Variants in ABCA13 observed in about 807,000 individuals in gnomAD.
ABCA13 encodes ATP binding cassette subfamily A member 13.
ABCA13 carries 476 observed loss-of-function variants against 478.7 expected under a neutral mutation model. The observed-to-expected ratio is 0.99, with a 90% CI of 0.92 to 1.07. The LOEUF is 1.07. Ranked by LOEUF, ABCA13 falls within the 50% of genes least tolerant of loss-of-function variation. ABCA13 has a pLI of 0.00. For missense variants in ABCA13, 6,060 were observed against 5,910.6 expected (o/e 1.03, Z -0.83); for synonymous variants, 2,252 against 2,158.9 (o/e 1.04, Z -1.20).
chr7:48,369,950 G>A (rs1475708010), intron 32 of ABCA13, among the ~76,000 whole-genome samples: 1 of 151,922 alleles, frequency 6.6e-6, no homozygotes, highest in Non-Finnish European at 1.5e-5. Context: ...GTTTTGATGG[G>A]AATTGCATTG....
chr7:48,634,346 A>G (rs9642322), intron 59 of ABCA13, among the ~76,000 whole-genome samples: 37,568 of 152,004 alleles, frequency 0.25, 5,148 homozygotes, highest in Middle Eastern at 0.37. Context: ...CTCCACTTCT[A>G]TTTTTTAAAC....
intron 59 of ABCA13, 130 bp from the exon 60 acceptor site, chr7:48,643,158 G>T: frequency 1.7e-6 from 1 of 605,514 alleles, no homozygotes; most frequent in Non-Finnish European, 2.9e-6. Flanking sequence ...GTCTTATATT[G>T]AGAATCCAAA....
chr7:48,237,075 C>T (rs191036424), intron 8 of ABCA13, among the ~76,000 whole-genome samples: 105 of 145,038 alleles, frequency 7.2e-4, no homozygotes, highest in East Asian at 4.7e-3. Flanking sequence ...TGAGTTTCGC[C>T]GATTGGTTGG....
chr7:48,507,998 A>G lies in ABCA13; in HGVS notation c.13473A>G (p.Ile4491Met). 1 of 1,613,882 alleles carries G rather than the reference A, an allele frequency of 6.2e-7. No homozygotes were observed. Among genetic ancestry groups the G allele is most frequent in the Non-Finnish European group, 8.5e-7 (1 of 1,179,842 alleles). ...RVIGAKRLQHISGLGYRMYWF... is the reference protein window; with the variant it reads ...RVIGAKRLQHMSGLGYRMYWF... Reference sequence around the variant, plus strand: ...TTGGAGCCAAAAGGTTGCAGCACATAAGTGGCCTTGGCTACAGGATGTACT... The same window carrying G: ...TTGGAGCCAAAAGGTTGCAGCACATGAGTGGCCTTGGCTACAGGATGTACT... Residue 4491 changes from isoleucine to methionine, a missense_variant, in exon 50 of 62, where the codon ATA becomes ATG. Coordinates refer to ENST00000435803, the MANE Select transcript of ABCA13 (RefSeq NM_152701.5).
Position 48,198,217 on chromosome 7 carries a change from T to A in ABCA13, c.164-20T>A. 6.2e-7 allele frequency: 1 copy of A among 1,607,458 alleles called. No individual in the cohort carries two copies. The highest frequency in any genetic ancestry group is 8.5e-7 in the Non-Finnish European group (1 of 1,177,176). On this transcript the variant is annotated intron_variant, in intron 2 of 61. Transcript: ENST00000435803. Reference sequence around the variant, plus strand: ...GGTAGCAGGTATACGGACTCATTTCTTCTTTGCATCTATTTCTAGGTTATT... The same window carrying A: ...GGTAGCAGGTATACGGACTCATTTCATCTTTGCATCTATTTCTAGGTTATT...
At chr7:48,296,836 G>A (rs1278554942) in intron 21 of ABCA13, among the ~76,000 whole-genome samples, 1 of 152,150 alleles carries the variant, frequency 6.6e-6, no homozygotes, top group African/African-American at 2.4e-5. Context: ...ACCAGAAGGG[G>A]AAATAAGGAA....
intron 44 of ABCA13, among the ~76,000 whole-genome samples, chr7:48,467,857 T>C (rs190217402): frequency 1.3e-5 from 2 of 152,372 alleles, no homozygotes; most frequent in East Asian, 3.9e-4. Context: ...CCATTAGTCA[T>C]ATTGGTAATT....
chr7:48,227,583 C>A (rs1019092344), intron 6 of ABCA13, among the ~76,000 whole-genome samples, 158 bp downstream of exon 6: 1 of 152,066 alleles, frequency 6.6e-6, no homozygotes, highest in African/African-American at 2.4e-5. Flanking sequence ...ACGAACGTCC[C>A]TCATCTGTCT....
intron 57 of ABCA13, among the ~76,000 whole-genome samples, chr7:48,593,853 T>C (rs963935290): frequency 3.9e-5 from 6 of 151,972 alleles, no homozygotes; most frequent in African/African-American, 1.4e-4. Flanking sequence ...GTATTTTTAT[T>C]TGGCAGGTTT....
intron 55 of ABCA13, among the ~76,000 whole-genome samples, chr7:48,530,913 G>A (rs1279229074): frequency 6.6e-6 from 1 of 152,144 alleles, no homozygotes; most frequent in African/African-American, 2.4e-5. Flanking sequence ...TATAGATTGT[G>A]AAGATTTTCT....
At chr7:48,628,030 A>C (rs558002640) in intron 59 of ABCA13, among the ~76,000 whole-genome samples, 37 of 152,240 alleles carry the variant, frequency 2.4e-4, no homozygotes, top group Non-Finnish European at 4.6e-4. Context: ...TGAGGTTCTG[A>C]TACCTGAACT....
chr7:48,497,770 A>C (rs923495210), intron 48 of ABCA13, among the ~76,000 whole-genome samples: 1 of 152,154 alleles, frequency 6.6e-6, no homozygotes, highest in Non-Finnish European at 1.5e-5. Context: ...GGGGGAGTAG[A>C]GTCTGCTCCC....
At chr7:48,529,122 C>T (rs989611313) in intron 55 of ABCA13, among the ~76,000 whole-genome samples, 31 of 152,156 alleles carry the variant, frequency 2.0e-4, no homozygotes, top group Non-Finnish European at 3.8e-4. Flanking sequence ...CTTCCTTTTT[C>T]CCCTGCTCTG....
At chr7:48,621,061 C>A (rs1263383580) in intron 59 of ABCA13, among the ~76,000 whole-genome samples, 1 of 152,112 alleles carries the variant, frequency 6.6e-6, no homozygotes, top group Non-Finnish European at 1.5e-5. Flanking sequence ...TACATCCCTA[C>A]CCCACCTCAG....
intron 43 of ABCA13, among the ~76,000 whole-genome samples, chr7:48,461,823 C>G (rs1328622134): frequency 2.0e-5 from 3 of 152,164 alleles, no homozygotes; most frequent in Non-Finnish European, 4.4e-5. Context: ...TTGGCACAAC[C>G]TAGCCAACTA....
chr7:48,378,084 A>G (rs1468074157), intron 35 of ABCA13, among the ~76,000 whole-genome samples: 1 of 152,198 alleles, frequency 6.6e-6, no homozygotes, highest in East Asian at 1.9e-4. Flanking sequence ...TCTGAATCCC[A>G]CTGTGGAATT....
At chr7:48,637,381 C>CAAAAAAAAAAAAAAAAAATAAA (rs1794733995) in intron 59 of ABCA13, among the ~76,000 whole-genome samples, 1 of 20,258 alleles carries the variant, frequency 4.9e-5, no homozygotes. Flanking sequence ...GTTCATAAAG[C>CAAAAAAAAAAAAAAAAAATAAA]AAAAAAAAAA....
intron 45 of ABCA13, among the ~76,000 whole-genome samples, chr7:48,476,194 T>C (rs1296177237): frequency 1.3e-5 from 2 of 152,132 alleles, no homozygotes; most frequent in African/African-American, 4.8e-5. Context: ...TCCTCCAGCT[T>C]CTCTTGTTTC....
intron 40 of ABCA13, 84 bp downstream of exon 40, chr7:48,410,761 T>C: frequency 6.5e-7 from 1 of 1,532,168 alleles, no homozygotes; most frequent in South Asian, 1.3e-5. Flanking sequence ...TACATAGTAA[T>C]AACGTCTCAG....
Sources: gnomAD v4.1 joint callset for allele counts (sites outside exome capture counted in the v4.1 genomes callset) on GRCh38, gnomAD v4.1.1 for gene constraint, MANE v1.5 for transcripts, NCBI Gene and HGNC (gene_info 2026-07-23, HGNC 2026-07-21) for gene names.